The following MCTP1 variants were observed in gnomAD, a reference collection of about 807,000 sequenced individuals.
The protein encoded by MCTP1 is multiple C2 and transmembrane domain containing 1.
In MCTP1, 69 loss-of-function variants were observed where a neutral mutation model predicts 120.6. The ratio of observed to expected loss-of-function variants is 0.57; its 90% confidence interval spans 0.47 to 0.70. MCTP1 has a LOEUF of 0.70. Ranked by LOEUF, MCTP1 falls within the 30% of genes least tolerant of loss-of-function variation. The pLI is 0.00. For synonymous variants in MCTP1, 529 were observed against 493.1 expected, an observed-to-expected ratio of 1.07 and a Z score of -0.96; for missense variants, 1,203 against 1,248.8, an observed-to-expected ratio of 0.96 and a Z score of 0.55.
At chr5:95,214,076 C>A (rs1196412339) in intron 1 of MCTP1, among the ~76,000 whole-genome samples, 1 of 152,270 alleles carries the variant, frequency 6.6e-6, no homozygotes, top group Non-Finnish European at 1.5e-5. Context: ...AGTGAACAGG[C>A]AACCTACAGA....
At chr5:94,998,300 GA>G (rs1414276759) in intron 2 of MCTP1, among the ~76,000 whole-genome samples, 1 of 152,110 alleles carries the variant, frequency 6.6e-6, no homozygotes, top group Non-Finnish European at 1.5e-5. Context: ...CTGGCTAACA[GA>G]GGAGATGGAC....
chr5:95,237,665 C>T (rs1755702846), intron 1 of MCTP1, among the ~76,000 whole-genome samples: 1 of 152,180 alleles, frequency 6.6e-6, no homozygotes. Context: ...AATAAATGCT[C>T]ACTAACTCCT....
At chr5:95,152,399 C>A (rs1744631137) in intron 1 of MCTP1, among the ~76,000 whole-genome samples, 1 of 152,160 alleles carries the variant, frequency 6.6e-6, no homozygotes, top group Admixed American at 6.5e-5. Context: ...GGGACAATAT[C>A]TTTCTTATAT....
intron 12 of MCTP1, among the ~76,000 whole-genome samples, chr5:94,886,872 CGTGTGT>C (rs369897697): frequency 4.6e-5 from 7 of 151,394 alleles, no homozygotes; most frequent in Admixed American, 4.6e-4. Context: ...TACATGTGTG[CGTGTGT>C]GTGTGTGTAT....
At chr5:94,786,281 C>T (rs766709763) in intron 18 of MCTP1, among the ~76,000 whole-genome samples, 2 of 151,998 alleles carry the variant, frequency 1.3e-5, no homozygotes, top group African/African-American at 4.8e-5. Context: ...CCATCTAGAA[C>T]ATTTTGAGGC....
At chr5:94,829,964 C>T (rs976254629) in intron 17 of MCTP1, among the ~76,000 whole-genome samples, 1 of 152,200 alleles carries the variant, frequency 6.6e-6, no homozygotes, top group Non-Finnish European at 1.5e-5. Context: ...ATTCATCCTG[C>T]TTTGTGAGTG....
At chr5:94,995,074 C>T (rs745882913) in intron 2 of MCTP1, among the ~76,000 whole-genome samples, 4 of 152,176 alleles carry the variant, frequency 2.6e-5, no homozygotes, top group Non-Finnish European at 4.4e-5. Flanking sequence ...GGGACTTCAC[C>T]TTGTGATTGT....
chr5:94,920,701 C>T (rs1561860652), intron 7 of MCTP1, among the ~76,000 whole-genome samples: 1 of 151,446 alleles, frequency 6.6e-6, no homozygotes, highest in African/African-American at 2.4e-5. Flanking sequence ...AAGACCGCGC[C>T]ACTGCACTCC....
chr5:95,201,413 G>A (rs1197479541), intron 1 of MCTP1, among the ~76,000 whole-genome samples: 1 of 146,794 alleles, frequency 6.8e-6, no homozygotes, highest in Non-Finnish European at 1.5e-5. Flanking sequence ...AAAATTATAG[G>A]GATGAGTGTA....
intron 2 of MCTP1, among the ~76,000 whole-genome samples, chr5:94,986,758 G>T (rs566247675): frequency 6.6e-6 from 1 of 152,008 alleles, no homozygotes; most frequent in Non-Finnish European, 1.5e-5. Context: ...TGATCCAACC[G>T]CCTCGGCCTC....
chr5:94,953,235 TC>T lies in MCTP1; in HGVS notation c.964del (p.Glu322SerfsTer5). On this transcript the variant is annotated frameshift_variant, in exon 3 of 23. Coordinates refer to ENST00000515393, the MANE Select transcript of MCTP1 (RefSeq NM_024717.7). LOFTEE classifies it high-confidence loss of function. Reference sequence around the variant, plus strand: ...ATGGCTCACCTTTATATACAATGGCTCCCTAAGATGATCAACCAGAATACAA... The same window carrying T: ...ATGGCTCACCTTTATATACAATGGCTCCTAAGATGATCAACCAGAATACAA... ...KACILVDHLREPLYIKVFDYD... is the reference protein window; with the variant it reads ...KACILVDHLRXPLYIKVFDYD... 1.2e-6 allele frequency: 2 copies of T among 1,611,310 alleles called. No individual in the cohort carries two copies. Among genetic ancestry groups the T allele is most frequent in the Non-Finnish European group, 8.5e-7 (1 of 1,178,894 alleles).
chr5:94,765,378 G>A (rs1772357602), intron 19 of MCTP1, among the ~76,000 whole-genome samples: 1 of 152,088 alleles, frequency 6.6e-6, no homozygotes, highest in Non-Finnish European at 1.5e-5. Flanking sequence ...TTAGTAGAAG[G>A]AAAGAAGTAA....
chr5:94,906,653 A>T (rs997883266), intron 10 of MCTP1, among the ~76,000 whole-genome samples: 2 of 152,210 alleles, frequency 1.3e-5, no homozygotes, highest in Admixed American at 6.5e-5. Context: ...AATATATTTT[A>T]AAAAATCATT....
At chr5:95,026,741 T>C (rs1352073278) in intron 1 of MCTP1, among the ~76,000 whole-genome samples, 2 of 152,206 alleles carry the variant, frequency 1.3e-5, no homozygotes, top group East Asian at 3.8e-4. Flanking sequence ...GCCAAGTGGA[T>C]TGTAGATTGG....
intron 7 of MCTP1, among the ~76,000 whole-genome samples, chr5:94,920,567 C>A (rs948076864): frequency 6.6e-6 from 1 of 151,834 alleles, no homozygotes; most frequent in Non-Finnish European, 1.5e-5. Context: ...ACATGAAACC[C>A]CGTCTCTACT....
intron 2 of MCTP1, among the ~76,000 whole-genome samples, chr5:94,993,019 T>G (rs1326663445): frequency 1.3e-5 from 2 of 152,242 alleles, no homozygotes; most frequent in African/African-American, 4.8e-5. Flanking sequence ...GTTATTCTTA[T>G]AACTTACACT....
intron 1 of MCTP1, among the ~76,000 whole-genome samples, chr5:95,280,844 A>G (rs144037924): frequency 1.1e-3 from 160 of 152,238 alleles, no homozygotes; most frequent in South Asian, 4.6e-3. Flanking sequence ...GTGACTCCCA[A>G]ATCTCTTTCC....
chr5:94,789,606 A>G (rs1778464075), intron 18 of MCTP1: 1 of 152,212 alleles, frequency 6.6e-6, no homozygotes, highest in Non-Finnish European at 1.5e-5. Context: ...CCACAGGTAG[A>G]TATTTAATCC....
At chr5:95,208,648 C>G (rs1446118089) in intron 1 of MCTP1, among the ~76,000 whole-genome samples, 2 of 151,092 alleles carry the variant, frequency 1.3e-5, no homozygotes, top group Non-Finnish European at 2.9e-5. Flanking sequence ...ACCCATGCCT[C>G]TATAATGGGT....
Sources: gnomAD v4.1 joint callset for allele counts (sites outside exome capture counted in the v4.1 genomes callset) on GRCh38, gnomAD v4.1.1 for gene constraint, MANE v1.5 for transcripts, NCBI Gene and HGNC (gene_info 2026-07-23, HGNC 2026-07-21) for gene names.